SFXN2: variants seen among roughly 807,000 people sequenced by gnomAD.
SFXN2 encodes sideroflexin-2.
SFXN2 carries 37 observed loss-of-function variants against 41.9 expected under a neutral mutation model. The observed-to-expected ratio is 0.88, with a 90% CI of 0.68 to 1.16. The LOEUF is 1.16. SFXN2 is among the 50% of genes most tolerant of loss of function. The pLI, the probability that SFXN2 is intolerant of heterozygous loss-of-function variation, is 0.00. For missense variants in SFXN2, 386 were observed against 425.2 expected (o/e 0.91, Z 0.81); for synonymous variants, 150 against 156.7 (o/e 0.96, Z 0.32).
At chr10:102,720,059 G>A (rs1305478140) in intron 1 of SFXN2, among the ~76,000 whole-genome samples, 4 of 152,112 alleles carry the variant, frequency 2.6e-5, no homozygotes, top group Non-Finnish European at 4.4e-5. Context: ...GGAGGCCGAC[G>A]CGGGTAATGG....
chr10:102,729,034 G>C (rs965150320), intron 4 of SFXN2, among the ~76,000 whole-genome samples: 1 of 152,228 alleles, frequency 6.6e-6, no homozygotes, highest in Non-Finnish European at 1.5e-5. Context: ...TGAAGGATGA[G>C]GGATGAATGA....
intron 1 of SFXN2, among the ~76,000 whole-genome samples, chr10:102,719,408 T>A (rs12771656): frequency 0.29 from 44,247 of 150,866 alleles, 6,780 homozygotes; most frequent in Non-Finnish European, 0.32. Flanking sequence ...TTTTTTTTTT[T>A]ATTAGAGATG....
chr10:102,729,359 G>C lies in SFXN2; in HGVS notation c.472G>C (p.Val158Leu). The change falls in exon 5 of 12, where the codon GTG (valine) becomes CTG (leucine). Residue 158 changes from valine to leucine, a missense_variant. Val to Leu is a conservative substitution (Grantham distance 32). Transcript: ENST00000369893. ...CTACTTCACAGCCACAACCACTGCT[G>C]TGGCCACGGCTGTGGGCATGAACAT... ...LSYFTATTTA[V>L]ATAVGMNMLT... The C allele has an allele frequency of 6.2e-7, 1 of 1,614,196 alleles. No homozygotes were observed. The highest frequency in any genetic ancestry group is 8.5e-7 in the Non-Finnish European group (1 of 1,180,024).
chr10:102,725,088 T>C (rs768530074), intron 1 of SFXN2: 3 of 152,230 alleles, frequency 2.0e-5, no homozygotes, highest in Non-Finnish European at 4.4e-5. Context: ...TGTTCTTATC[T>C]CCCTTGCTGT....
At position 102,742,752 on chromosome 10, in the gene SFXN2, G is replaced by C. The variant is rs140555621; in HGVS notation, c.*4990G>C. 47 of 152,326 alleles carry C rather than the reference G, an allele frequency of 3.1e-4. No homozygotes were observed. Among genetic ancestry groups the C allele is most frequent in the African/African-American group, 1.1e-3 (46 of 41,564 alleles). 9.4% of individuals were successfully genotyped at this position (152,326 alleles called of 1,614,324 possible). ...CCCAAAGGGCTAGGATTATAAGCAT[G>C]AGCCACCACACCTGGCTATTTTACC... On this transcript the variant is annotated 3_prime_UTR_variant, in exon 12 of 12. Coordinates refer to ENST00000369893, the MANE Select transcript of SFXN2 (RefSeq NM_178858.6).
chr10:102,724,543 A>G (rs2064560664), intron 1 of SFXN2, among the ~76,000 whole-genome samples: 1 of 152,076 alleles, frequency 6.6e-6, no homozygotes, highest in Non-Finnish European at 1.5e-5. Flanking sequence ...CTCTACTAAA[A>G]ATACAAAAAA....
intron 10 of SFXN2, 110 bp downstream of exon 10, chr10:102,733,713 A>T: frequency 3.3e-6 from 3 of 919,376 alleles, no homozygotes; most frequent in Non-Finnish European, 5.3e-6. Context: ...TGACTTTAAA[A>T]GTGGTCAAGC....
rs140018115 is a variant in SFXN2 at position 102,720,008 on chromosome 10, G to A, written c.-26+5327G>A. ...GGCCTATTGCATTTAAGAAAATCCC[G>A]GCCGGGCTTGGTGGCTCACGCCTGT... On this transcript the variant is annotated intron_variant, in intron 1 of 11. Transcript: ENST00000369893. 2.2e-4 allele frequency among the ~76,000 whole-genome samples: 33 copies of A among 152,266 alleles called. No homozygotes were observed. In the East Asian group the frequency reaches 6.0e-3, roughly 28 times the overall value.
At chr10:102,724,676 T>A (rs1441103539) in intron 1 of SFXN2, among the ~76,000 whole-genome samples, 1 of 151,948 alleles carries the variant, frequency 6.6e-6, no homozygotes, top group Non-Finnish European at 1.5e-5. Context: ...TACTCCAGCC[T>A]GGTGGCAGAG....
At chr10:102,715,989 A>G (rs914996255) in intron 1 of SFXN2, among the ~76,000 whole-genome samples, 1 of 152,050 alleles carries the variant, frequency 6.6e-6, no homozygotes. Flanking sequence ...TACCTGCTTC[A>G]GATCCTTGGA....
At chr10:102,715,276 C>G (rs2248553) in intron 1 of SFXN2, 153,285 of 153,558 alleles carry the variant, frequency 1, 76,506 homozygotes, top group South Asian at 1. Flanking sequence ...GGGGTCAAGC[C>G]ATCCGCCCGC....
chr10:102,728,396 TTC>T (rs908350780), intron 3 of SFXN2, 33 bp from the exon 4 acceptor site: 1 of 1,594,110 alleles, frequency 6.3e-7, no homozygotes, highest in Non-Finnish European at 8.6e-7. Context: ...GCCATCTGAC[TTC>T]TCTCTGCCTC....
intron 9 of SFXN2, among the ~76,000 whole-genome samples, 168 bp from the exon 10 acceptor site, chr10:102,733,386 G>A (rs549466688): frequency 2.0e-5 from 3 of 152,298 alleles, no homozygotes; most frequent in Admixed American, 6.5e-5. Flanking sequence ...CTGACCTTGT[G>A]ATCTGCCCAT....
In SFXN2 at chr10:102,728,523, C is replaced by T. The variant is rs1208634120; in HGVS notation, c.425C>T (p.Ser142Leu). The T allele has an allele frequency of 1.2e-6, 2 of 1,613,748 alleles. No individual in the cohort carries two copies. The highest frequency in any genetic ancestry group is 4.5e-5 in the East Asian group (2 of 44,840). ...YTNRNAASPTSVRQMALSYFT... is the reference protein window; with the variant it reads ...YTNRNAASPTLVRQMALSYFT... ...AACAGGAATGCGGCTTCCCCCACAT[C>T]AGTCAGGTAGGAGACCTGAACCCCA... is the stretch of plus-strand genomic sequence containing the variant. The change falls in exon 4 of 12, where the codon TCA (serine) becomes TTA (leucine). Residue 142 changes from serine (S) to leucine (L), a missense_variant. Ser to Leu is a moderately radical substitution (Grantham distance 145). Coordinates refer to ENST00000369893, the MANE Select transcript of SFXN2 (RefSeq NM_178858.6).
chr10:102,733,970 C>A (rs2064739209), intron 10 of SFXN2, among the ~76,000 whole-genome samples: 1 of 152,000 alleles, frequency 6.6e-6, no homozygotes, highest in Non-Finnish European at 1.5e-5. Context: ...TCGCTGCAAC[C>A]TCCACCTCCC....
At chr10:102,728,003 A>G (rs1035752696) in intron 3 of SFXN2, among the ~76,000 whole-genome samples, 6 of 152,098 alleles carry the variant, frequency 3.9e-5, no homozygotes, top group African/African-American at 1.4e-4. Flanking sequence ...GGTGCATAAA[A>G]CAGTATGGGA....
intron 1 of SFXN2, chr10:102,725,114 G>A (rs1300465469): frequency 3.9e-5 from 6 of 152,216 alleles, no homozygotes; most frequent in African/African-American, 1.4e-4. Flanking sequence ...GGTCTCTAGA[G>A]ACTTCTTAAA....
At chr10:102,736,504 C>G (rs1183663181) in intron 11 of SFXN2, among the ~76,000 whole-genome samples, 1 of 150,574 alleles carries the variant, frequency 6.6e-6, no homozygotes, top group Non-Finnish European at 1.5e-5. Context: ...TCACTGCAAC[C>G]TCCGACTCCC....
chr10:102,731,999 G>A (rs2136055250), intron 7 of SFXN2, among the ~76,000 whole-genome samples, 153 bp from the exon 8 acceptor site: 1 of 152,310 alleles, frequency 6.6e-6, no homozygotes, highest in African/African-American at 2.4e-5. Flanking sequence ...TGGCTAGGTG[G>A]GAGGGGATAA....
Sources: allele counts gnomAD v4.1 joint callset (sites outside exome capture counted in the v4.1 genomes callset), GRCh38; gene constraint gnomAD v4.1.1; transcripts MANE v1.5; gene names NCBI Gene and HGNC (gene_info 2026-07-23, HGNC 2026-07-21).